Variants in MYO16 observed in about 807,000 individuals in gnomAD.
MYO16 encodes unconventional myosin-XVI.
In MYO16, 94 loss-of-function variants were observed where a neutral mutation model predicts 205.3. That is an observed-to-expected ratio of 0.46 (90% CI 0.39 to 0.54). The LOEUF (loss-of-function observed/expected upper bound fraction) is 0.54, where lower values mean the gene tolerates loss of function less well. Ranked by LOEUF, MYO16 falls within the 20% of genes least tolerant of loss-of-function variation. The probability of loss-of-function intolerance (pLI) is 0.00; values close to 1 mark genes in which losing one functional copy is unlikely to be tolerated. For synonymous variants in MYO16, 988 were observed against 954.0 expected (o/e 1.04, Z -0.66); for missense variants, 2,315 against 2,387.5 (o/e 0.97, Z 0.63).
chr13:108,965,325 A>G (rs990060628), intron 20 of MYO16, among the ~76,000 whole-genome samples: 2 of 152,146 alleles, frequency 1.3e-5, no homozygotes, highest in African/African-American at 4.8e-5. Context: ...GTAATTCTTC[A>G]TCTTATTTCT....
the MYO16 span, among the ~76,000 whole-genome samples, chr13:108,544,066 CA>C: frequency 5.4e-3 from 280 of 51,378 alleles, no homozygotes; most frequent in South Asian, 0.021. Flanking sequence ...ACTCCGTCTC[CA>C]AAAAAAAAAA....
chr13:109,189,883 TCTACGTTTTGATTCC>T (rs1197904277), intron 34 of MYO16, among the ~76,000 whole-genome samples: 3 of 152,210 alleles, frequency 2.0e-5, no homozygotes, highest in Middle Eastern at 6.8e-3. Context: ...GCCTTCATTC[TCTACGTTTTGATTCC>T]CTACCACGAT....
At chr13:108,495,984 C>T in the MYO16 span, among the ~76,000 whole-genome samples, 1 of 152,130 alleles carries the variant, frequency 6.6e-6, no homozygotes, top group African/African-American at 2.4e-5. Flanking sequence ...GCGGGGCAGC[C>T]TCTCCGAGTC....
intron 31 of MYO16, among the ~76,000 whole-genome samples, chr13:109,128,808 G>C (rs1456433240): frequency 1.3e-5 from 1 of 78,652 alleles, no homozygotes; most frequent in African/African-American, 5.2e-5. Context: ...TTTCACTCTT[G>C]TTGCTTAGGC....
intron 16 of MYO16, among the ~76,000 whole-genome samples, chr13:108,919,977 G>A (rs895469565): frequency 1.3e-5 from 2 of 152,078 alleles, no homozygotes; most frequent in African/African-American, 2.4e-5. Flanking sequence ...ATTTGACTGG[G>A]GACACTGCTT....
chr13:109,076,159 A>G (rs1177624731), intron 27 of MYO16, among the ~76,000 whole-genome samples: 1 of 151,994 alleles, frequency 6.6e-6, no homozygotes, highest in South Asian at 2.1e-4. Context: ...GTCTTGGTAG[A>G]GTTGTATTAT....
At chr13:108,627,464 CTG>C (rs1285575272), upstream of MYO16, among the ~76,000 whole-genome samples, 4 of 152,174 alleles carry the variant, frequency 2.6e-5, no homozygotes, top group African/African-American at 7.2e-5. Flanking sequence ...GCACACAACA[CTG>C]TGCTATCTTG....
chr13:109,146,649 T>C (rs1382213417), intron 32 of MYO16, among the ~76,000 whole-genome samples: 2 of 151,576 alleles, frequency 1.3e-5, no homozygotes, highest in South Asian at 4.2e-4. Flanking sequence ...GATAATAAAA[T>C]AGCCAGGCAT....
chr13:108,980,244 T>G lies in MYO16; in HGVS notation c.2370-12132T>G, dbSNP rs1192824220. Among the ~76,000 whole-genome samples, 11 of 152,370 alleles carry G rather than the reference T, an allele frequency of 7.2e-5. No homozygotes were observed. The East Asian group carries it at 2.1e-3, about 29-fold the overall frequency. ...AGGCCAAAAAATCCATTTAGCATTT[T>G]GTTTTGCTAGCTCTTTCTTGAGCCA... is the stretch of plus-strand genomic sequence containing the variant. On this transcript the variant is annotated intron_variant, in intron 20 of 34. Transcript: ENST00000457511.
At chr13:108,894,065 G>T (rs937973444) in intron 14 of MYO16, among the ~76,000 whole-genome samples, 5 of 152,282 alleles carry the variant, frequency 3.3e-5, no homozygotes, top group Middle Eastern at 3.4e-3. Context: ...ATGGCAGGAG[G>T]TGAAGAAGAA....
intron 21 of MYO16, among the ~76,000 whole-genome samples, chr13:108,994,358 G>C (rs906822190): frequency 4.0e-5 from 6 of 151,674 alleles, no homozygotes; most frequent in African/African-American, 1.5e-4. Context: ...ATTTTTAACA[G>C]GTTTGCTTTG....
chr13:108,596,567 T>TC (rs1291216347), intron 1 of MYO16, among the ~76,000 whole-genome samples: 2 of 152,184 alleles, frequency 1.3e-5, no homozygotes, highest in Non-Finnish European at 2.9e-5. Flanking sequence ...GTGATTTTTT[T>TC]CAGGTATAAA....
At chr13:109,105,440 C>G (rs1889096711) in intron 28 of MYO16, among the ~76,000 whole-genome samples, 1 of 152,092 alleles carries the variant, frequency 6.6e-6, no homozygotes, top group Non-Finnish European at 1.5e-5. Flanking sequence ...CCATTGCACT[C>G]CAGCCTGGAC....
At chr13:108,804,869 G>T (rs9514918) in intron 6 of MYO16, among the ~76,000 whole-genome samples, 1 of 152,064 alleles carries the variant, frequency 6.6e-6, no homozygotes, top group Non-Finnish European at 1.5e-5. Flanking sequence ...CTTGTGGTAA[G>T]TGGCCCAGGG....
chr13:108,910,274 A>T, intron 16 of MYO16, 124 bp downstream of exon 16: 1 of 1,044,296 alleles, frequency 9.6e-7, no homozygotes, highest in Non-Finnish European at 1.4e-6. Flanking sequence ...ACTGTTGGAT[A>T]CTGTTAGGTT....
chr13:108,710,783 C>T (rs1184342362), intron 2 of MYO16, among the ~76,000 whole-genome samples: 1 of 152,182 alleles, frequency 6.6e-6, no homozygotes, highest in Non-Finnish European at 1.5e-5. Context: ...AATCTGATTG[C>T]ATTTTACTAA....
chr13:108,815,040 A>T (rs955290890), intron 7 of MYO16, among the ~76,000 whole-genome samples: 2 of 152,220 alleles, frequency 1.3e-5, no homozygotes, highest in African/African-American at 4.8e-5. Context: ...AAGTGAATTT[A>T]TCAATTTTTT....
At chr13:108,761,602 A>G (rs1885612467) in intron 4 of MYO16, among the ~76,000 whole-genome samples, 1 of 152,210 alleles carries the variant, frequency 6.6e-6, no homozygotes, top group Non-Finnish European at 1.5e-5. Context: ...AAATCTTCAC[A>G]AAAACAGATT....
At chr13:108,756,706 C>A (rs370509585) in intron 4 of MYO16, among the ~76,000 whole-genome samples, 1,334 of 108,944 alleles carry the variant, frequency 0.012, 14 homozygotes, top group African/African-American at 0.037. Flanking sequence ...TAGAAAAAAA[C>A]AAAGGAAAAT....
Sources: allele counts gnomAD v4.1 joint callset (sites outside exome capture counted in the v4.1 genomes callset), GRCh38; gene constraint gnomAD v4.1.1; transcripts MANE v1.5; gene names NCBI Gene and HGNC (gene_info 2026-07-23, HGNC 2026-07-21).